Variants in HELLS observed in about 807,000 individuals in gnomAD.
HELLS encodes helicase, lymphoid specific.
Under a neutral mutation model 120.0 loss-of-function variants are expected in HELLS, and 32 were observed. That is an observed-to-expected ratio of 0.27 (90% CI 0.20 to 0.36). The LOEUF is 0.36. Ranked by LOEUF, HELLS falls within the 10% of genes least tolerant of loss-of-function variation. The probability of loss-of-function intolerance (pLI) is 1.00; values close to 1 mark genes in which losing one functional copy is unlikely to be tolerated. For synonymous variants in HELLS, 341 were observed against 323.4 expected (o/e 1.05, Z -0.58); for missense variants, 650 against 993.4 (o/e 0.65, Z 4.65).
intron 12 of HELLS, among the ~76,000 whole-genome samples, chr10:94,585,107 A>T (rs567074871): frequency 5.3e-5 from 8 of 151,760 alleles, no homozygotes; most frequent in African/African-American, 1.2e-4. Flanking sequence ...AGTAAAAAAA[A>T]TTTTTTTTAC....
Position 94,546,431 on chromosome 10 carries a change from C to T in HELLS, c.86C>T (p.Ala29Val). ...EQLDTAVITP[A>V]MLEEEEQLEA... ...CTGGACACTGCTGTGATTACCCCGG[C>T]CATGCTAGAAGAGGAAGAACAGCTT... Residue 29 changes from alanine (A) to valine (V), a missense_variant, in exon 2 of 22, where the codon GCC becomes GTC. Ala to Val is a moderately conservative substitution (Grantham distance 64). Coordinates refer to ENST00000348459, the MANE Select transcript of HELLS (RefSeq NM_018063.5). 2 of 1,614,072 alleles carry T rather than the reference C, an allele frequency of 1.2e-6. No homozygotes were observed. The highest frequency in any genetic ancestry group is 8.5e-7 in the Non-Finnish European group (1 of 1,179,994).
At chr10:94,605,586 A>G (rs192716960), downstream of HELLS, among the ~76,000 whole-genome samples, 1 of 151,566 alleles carries the variant, frequency 6.6e-6, no homozygotes, top group Non-Finnish European at 1.5e-5. Flanking sequence ...CAGAATTTCG[A>G]AAGTTGTTGT....
intron 13 of HELLS, 126 bp downstream of exon 13, chr10:94,588,516 T>C: frequency 1.7e-6 from 1 of 600,036 alleles, no homozygotes; most frequent in Non-Finnish European, 2.8e-6. Flanking sequence ...CAATCACTGC[T>C]CACTGCAGCC....
intron 12 of HELLS, among the ~76,000 whole-genome samples, chr10:94,586,417 G>A (rs139684404): frequency 0.014 from 2,188 of 152,244 alleles, 24 homozygotes; most frequent in Non-Finnish European, 0.022. Context: ...CACCGCGCCC[G>A]GCCGGACATG....
At chr10:94,576,570 A>G in intron 9 of HELLS, 92 bp from the exon 10 acceptor site, 2 of 660,364 alleles carry the variant, frequency 3.0e-6, no homozygotes, top group South Asian at 5.2e-5. Context: ...TTAAAATTAT[A>G]TTTTTTCCCT....
At chr10:94,603,476 T>G (rs1846089412), downstream of HELLS, among the ~76,000 whole-genome samples, 1 of 152,204 alleles carries the variant, frequency 6.6e-6, no homozygotes, top group African/African-American at 2.4e-5. Context: ...TGTTTCCTTT[T>G]CTATCCTCTA....
At position 94,581,389 on chromosome 10, in the gene HELLS, C is replaced by T; in HGVS notation, c.1096C>T (p.Leu366=). 1 of 1,611,364 alleles carries T rather than the reference C, an allele frequency of 6.2e-7. No homozygotes were observed. Among genetic ancestry groups the T allele is most frequent in the Non-Finnish European group, 8.5e-7 (1 of 1,178,122 alleles). Reference sequence around the variant, plus strand: ...CAGGATTAAGAATATGAAGTGCCGTCTAATCAGGGAGTTAAAACGATTCAA... The same window carrying T: ...CAGGATTAAGAATATGAAGTGCCGTTTAATCAGGGAGTTAAAACGATTCAA... ...GHRIKNMKCR[L]IRELKRFNAD... The change falls in exon 11 of 22, where the codon CTA becomes TTA. Residue 366 remains leucine (L), a synonymous_variant. Transcript: ENST00000348459.
chr10:94,605,303 G>A (rs746536543), downstream of HELLS, among the ~76,000 whole-genome samples: 5 of 151,966 alleles, frequency 3.3e-5, no homozygotes, highest in African/African-American at 1.2e-4. Flanking sequence ...CGCTGGTCTC[G>A]AACTCCTGAC....
chr10:94,558,997 C>G (rs1843413328), intron 4 of HELLS, among the ~76,000 whole-genome samples: 1 of 152,154 alleles, frequency 6.6e-6, no homozygotes. Flanking sequence ...AAAGAACAAT[C>G]ATATTCAAGG....
At chr10:94,586,995 T>C (rs535799069) in intron 12 of HELLS, among the ~76,000 whole-genome samples, 1 of 152,272 alleles carries the variant, frequency 6.6e-6, no homozygotes, top group East Asian at 1.9e-4. Context: ...GCGTCCGACC[T>C]AGAGTATACA....
chr10:94,596,082 A>G (rs1240602788), intron 19 of HELLS, among the ~76,000 whole-genome samples: 2 of 152,110 alleles, frequency 1.3e-5, no homozygotes, highest in African/African-American at 2.4e-5. Context: ...TAGCCTCTTC[A>G]AGTGTTGGGC....
chr10:94,562,352 G>A (rs1843600319), intron 4 of HELLS, among the ~76,000 whole-genome samples: 2 of 152,086 alleles, frequency 1.3e-5, no homozygotes, highest in Non-Finnish European at 2.9e-5. Flanking sequence ...GCAATGAGCC[G>A]AGATTGTACC....
At chr10:94,551,777 TTGCCCAGG>T (rs1287469539) in intron 2 of HELLS, among the ~76,000 whole-genome samples, 1 of 151,686 alleles carries the variant, frequency 6.6e-6, no homozygotes. Flanking sequence ...TCTCGCTCTG[TTGCCCAGG>T]CTGAAGTGCA....
intron 12 of HELLS, among the ~76,000 whole-genome samples, chr10:94,587,122 G>A (rs1411234836): frequency 6.6e-6 from 1 of 152,032 alleles, no homozygotes; most frequent in African/African-American, 2.4e-5. Flanking sequence ...AACCACCCCA[G>A]CTAATGAAAG....
chr10:94,574,507 AGTT>A, intron 8 of HELLS, 44 bp from the exon 9 acceptor site: 1 of 1,317,326 alleles, frequency 7.6e-7, no homozygotes, highest in Non-Finnish European at 1.1e-6. Flanking sequence ...GTAATCCTGT[AGTT>A]GTTTATATCC....
intron 12 of HELLS, among the ~76,000 whole-genome samples, chr10:94,584,896 T>G (rs1347854403): frequency 1.3e-5 from 2 of 152,152 alleles, no homozygotes; most frequent in Non-Finnish European, 2.9e-5. Flanking sequence ...TCTGTAATAC[T>G]GTGCTTAAAT....
intron 12 of HELLS, among the ~76,000 whole-genome samples, chr10:94,586,157 A>G (rs1435636337): frequency 1.3e-5 from 2 of 151,458 alleles, no homozygotes; most frequent in East Asian, 1.9e-4. Flanking sequence ...ATCTTGCTCT[A>G]TTGCCCAGGC....
At chr10:94,608,172 A>C (rs1589773776) in intron 9 of HELLS, 1 of 156,616 alleles carries the variant, frequency 6.4e-6, no homozygotes, top group African/African-American at 2.4e-5. Context: ...ATATGTTTAT[A>C]AATTTATTTA....
rs1400383656 is a variant in HELLS, at chr10:94,562,893, G to A, written c.435+17G>A. 6.8e-7 allele frequency: 1 copy of A among 1,467,126 alleles called. No individual in the cohort carries two copies. The highest frequency in any genetic ancestry group is 9.4e-7 in the Non-Finnish European group (1 of 1,062,152). The allele number at this position is 1,467,126 out of a possible 1,614,324, so 90.9% of individuals were successfully genotyped here. ...TCAAAAGAGGTAAAAATAAAAGGGA[G>A]AGGGCACCTAACATTTGATGTTGAG... On this transcript the variant is annotated intron_variant, in intron 6 of 21. Transcript: ENST00000348459.
Sources: allele counts gnomAD v4.1 joint callset (sites outside exome capture counted in the v4.1 genomes callset), GRCh38; gene constraint gnomAD v4.1.1; transcripts MANE v1.5; gene names NCBI Gene and HGNC (gene_info 2026-07-23, HGNC 2026-07-21).